The following ARF4 variants were observed in gnomAD, a reference collection of about 807,000 sequenced individuals.
ARF4 encodes ARF GTPase 4.
A neutral mutation model predicts 24.3 loss-of-function variants in ARF4; 5 were observed. The observed-to-expected ratio is 0.21, with a 90% confidence interval of 0.11 to 0.43. The LOEUF (loss-of-function observed/expected upper bound fraction) is 0.43. Among genes scored for constraint, ARF4 ranks in the 20% least tolerant of loss-of-function variants. The pLI is 1.00. For synonymous variants in ARF4, 62 were observed against 73.5 expected (o/e 0.84, Z 0.80); for missense variants, 107 against 213.0 (o/e 0.50, Z 3.10).
intron 3 of ARF4, among the ~76,000 whole-genome samples, chr3:57,582,685 G>A (rs2069989139): frequency 6.6e-6 from 1 of 152,096 alleles, no homozygotes; most frequent in Admixed American, 6.6e-5. Flanking sequence ...GTTTTAAGAG[G>A]CTGATAACAA....
chr3:57,575,871 A>G (rs6808217), intron 4 of ARF4, among the ~76,000 whole-genome samples, 198 bp from the exon 5 acceptor site: 113,834 of 152,112 alleles, frequency 0.75, 44,700 homozygotes, highest in East Asian at 1. Flanking sequence ...ATGCCTTCAA[A>G]TAAGACAGAA....
intron 1 of ARF4, among the ~76,000 whole-genome samples, chr3:57,591,686 C>T (rs941979377): frequency 2.6e-5 from 4 of 151,966 alleles, no homozygotes; most frequent in African/African-American, 4.8e-5. Context: ...AGGCTGGTCT[C>T]GAACTCCTGA....
At chr3:57,577,441 GAAACAGTGT>G in intron 3 of ARF4, 54 bp from the exon 4 acceptor site, 1 of 1,440,216 alleles carries the variant, frequency 6.9e-7, no homozygotes, top group Non-Finnish European at 9.8e-7. Flanking sequence ...CTCTCTATAT[GAAACAGTGT>G]AGGCAGCAAA....
At chr3:57,594,905 A>C (rs2070162929) in intron 1 of ARF4, among the ~76,000 whole-genome samples, 1 of 152,192 alleles carries the variant, frequency 6.6e-6, no homozygotes, top group Admixed American at 6.5e-5. Flanking sequence ...TCATGCACAT[A>C]TCTCCCTCGT....
chr3:57,577,394 A>G lies in ARF4; in HGVS notation c.259-7T>C, dbSNP rs537029041. The G allele has an allele frequency of 2.1e-5, 22 of 1,057,382 alleles. No homozygotes were observed. The highest frequency in any genetic ancestry group is 2.8e-5 in the Non-Finnish European group (21 of 761,954). 65.5% of individuals were successfully genotyped at this position (1,057,382 alleles called of 1,614,324 possible). Reference sequence around the variant, plus strand: ...CTACCACAAAAATAAGACCCTGGGGAAAAATTGTTTCAGTAAATTTTAACA... The same window carrying G: ...CTACCACAAAAATAAGACCCTGGGGGAAAATTGTTTCAGTAAATTTTAACA... On this transcript the variant is annotated splice_region_variant and splice_polypyrimidine_tract_variant and intron_variant, in intron 3 of 5. Transcript: ENST00000303436.
intron 3 of ARF4, among the ~76,000 whole-genome samples, chr3:57,582,305 T>C (rs1230197884): frequency 1.3e-5 from 2 of 151,144 alleles, no homozygotes; most frequent in African/African-American, 4.9e-5. Flanking sequence ...TGCAATGGTG[T>C]GATCTCGGCT....
Position 57,572,308 on chromosome 3 carries a change from GAAGAC to G in ARF4, c.457-15_457-11del. ...TGGCTTGAACATACCACTGTAAAGAGAAGACAAGAAAATACTTGATTAACAAAGTT... is the reference window on the plus strand; with the variant it reads ...TGGCTTGAACATACCACTGTAAAGAGAAGAAAATACTTGATTAACAAAGTT... On this transcript the variant is annotated splice_polypyrimidine_tract_variant and intron_variant, in intron 5 of 5. Coordinates refer to ENST00000303436, the MANE Select transcript of ARF4 (RefSeq NM_001660.4). 2 of 1,598,796 alleles carry G rather than the reference GAAGAC, an allele frequency of 1.3e-6. No individual in the cohort carries two copies. Among genetic ancestry groups the G allele is most frequent in the African/African-American group, 2.7e-5 (2 of 74,628 alleles).
At chr3:57,587,514 TGATAG>T (rs1372364512) in intron 1 of ARF4, among the ~76,000 whole-genome samples, 1 of 151,948 alleles carries the variant, frequency 6.6e-6, no homozygotes, top group African/African-American at 2.4e-5. Flanking sequence ...GCTCCTCTAC[TGATAG>T]GAATTTTTTT....
In ARF4 at chr3:57,593,029, C is replaced by T. The variant is rs556383954; in HGVS notation, c.67+4045G>A. On this transcript the variant is annotated intron_variant, in intron 1 of 5. Coordinates refer to ENST00000303436, the MANE Select transcript of ARF4 (RefSeq NM_001660.4). ...AGATCAGCTGGGCAACAGAGCAAGA[C>T]CCCCATTCTCTACAAAATAATTTAA... Among the ~76,000 whole-genome samples the T allele has an allele frequency of 3.9e-5, 6 of 152,104 alleles. No individual in the cohort carries two copies. The South Asian group carries it at 1.0e-3, about 26-fold the overall frequency.
At position 57,571,479 on chromosome 3, in the gene ARF4, C is replaced by T. The variant is rs1255592589; in HGVS notation, c.*733G>A. 1.3e-5 allele frequency: 2 copies of T among 152,498 alleles called. No individual in the cohort carries two copies. Among genetic ancestry groups the T allele is most frequent in the Admixed American group, 1.3e-4 (2 of 15,250 alleles). 9.4% of individuals were successfully genotyped at this position (152,498 alleles called of 1,614,324 possible). On this transcript the variant is annotated 3_prime_UTR_variant, in exon 6 of 6. Transcript: ENST00000303436. Reference sequence around the variant, plus strand: ...AATGAAGATATGTCTGCCCAATAAACAAAACATCAGCAGAACTATCATATA... The same window carrying T: ...AATGAAGATATGTCTGCCCAATAAATAAAACATCAGCAGAACTATCATATA...
chr3:57,587,174 C>A (rs1393408391), intron 1 of ARF4, among the ~76,000 whole-genome samples: 1 of 151,958 alleles, frequency 6.6e-6, no homozygotes, highest in Admixed American at 6.6e-5. Context: ...CAGAAACTAG[C>A]TGGATGTGGT....
chr3:57,585,687 G>A (rs144613753), intron 1 of ARF4, among the ~76,000 whole-genome samples: 1,485 of 127,882 alleles, frequency 0.012, 20 homozygotes, highest in African/African-American at 0.042. Flanking sequence ...TTTTGAGACA[G>A]AGTATCACTC....
At chr3:57,589,631 T>C (rs954034008) in intron 1 of ARF4, among the ~76,000 whole-genome samples, 4 of 150,694 alleles carry the variant, frequency 2.7e-5, no homozygotes, top group African/African-American at 7.3e-5. Context: ...GGCAGGAGAA[T>C]CGCTTGAACC....
intron 1 of ARF4, among the ~76,000 whole-genome samples, chr3:57,595,784 T>C (rs1281106549): frequency 6.6e-6 from 1 of 152,050 alleles, no homozygotes; most frequent in Non-Finnish European, 1.5e-5. Flanking sequence ...CCCCCGTCTC[T>C]ACTAATAATA....
Position 57,591,401 on chromosome 3 carries a change from G to A in ARF4, c.67+5673C>T, listed in dbSNP as rs140893570. ...GGTGCTTATGTGAATTTAATGAAAA[G>A]GAAAAAAAAAAGAATGAAGTACTAA... On this transcript the variant is annotated intron_variant, in intron 1 of 5. Transcript: ENST00000303436. Among the ~76,000 whole-genome samples the A allele has an allele frequency of 2.9e-3, 432 of 148,374 alleles. 1 individual carries two copies. The highest frequency in any genetic ancestry group is 9.6e-3 in the African/African-American group (389 of 40,606).
Position 57,583,885 on chromosome 3 carries a change from C to G in ARF4, c.258+13G>C, listed in dbSNP as rs372202011. 3.1e-5 allele frequency: 48 copies of G among 1,533,986 alleles called. No individual in the cohort carries two copies. The African/African-American group carries it at 4.9e-4, about 16-fold the overall frequency. On this transcript the variant is annotated intron_variant, in intron 3 of 5. Transcript: ENST00000303436. ...CACAAAGAAAAGTTATAAAAACATACAGTATCCCTTACCTGGGTATTCTGG... is the reference window on the plus strand; with the variant it reads ...CACAAAGAAAAGTTATAAAAACATAGAGTATCCCTTACCTGGGTATTCTGG...
chr3:57,574,145 T>TCAA (rs2069875355), intron 5 of ARF4, among the ~76,000 whole-genome samples: 1 of 151,780 alleles, frequency 6.6e-6, no homozygotes, highest in Admixed American at 6.6e-5. Context: ...TTCATCATCT[T>TCAA]GGCCATGTTG....
At chr3:57,573,430 G>A (rs1360408361) in intron 5 of ARF4, among the ~76,000 whole-genome samples, 1 of 152,092 alleles carries the variant, frequency 6.6e-6, no homozygotes, top group African/African-American at 2.4e-5. Context: ...CCAGTTTAAT[G>A]TTGCAAGGCC....
chr3:57,571,796 G>A lies in ARF4; in HGVS notation c.*416C>T, dbSNP rs2069845770. ...TAGAAAATCTTTTTGGCAAGGGAGA[G>A]AAATAAATACAAATGGAATGCTACA... On this transcript the variant is annotated 3_prime_UTR_variant, in exon 6 of 6. Coordinates refer to ENST00000303436, the MANE Select transcript of ARF4 (RefSeq NM_001660.4). The A allele has an allele frequency of 6.0e-6, 1 of 166,318 alleles. No homozygotes were observed. The highest frequency in any genetic ancestry group is 6.1e-5 in the Admixed American group (1 of 16,360). The allele number at this position is 166,318 out of a possible 1,614,324, so 10.3% of individuals were successfully genotyped here.
Sources: allele counts gnomAD v4.1 joint callset (sites outside exome capture counted in the v4.1 genomes callset), GRCh38; gene constraint gnomAD v4.1.1; transcripts MANE v1.5; gene names NCBI Gene and HGNC (gene_info 2026-07-23, HGNC 2026-07-21).